IPO7: variants seen among roughly 807,000 people sequenced by gnomAD.
IPO7 encodes importin-7.
Under a neutral mutation model 136.4 loss-of-function variants are expected in IPO7, and 13 were observed. That is an observed-to-expected ratio of 0.10 (90% CI 0.06 to 0.15). The LOEUF (loss-of-function observed/expected upper bound fraction) is 0.15, where lower values mean the gene tolerates loss of function less well. IPO7 is among the 10% of genes least tolerant of loss of function. IPO7 has a pLI of 1.00. For synonymous variants in IPO7, 403 were observed against 404.4 expected, an observed-to-expected ratio of 1.00 and a Z score of 0.04; for missense variants, 857 against 1,240.6, an observed-to-expected ratio of 0.69 and a Z score of 4.65.
chr11:9,439,609 C>T (rs779031216), intron 22 of IPO7, among the ~76,000 whole-genome samples: 22 of 151,564 alleles, frequency 1.5e-4, no homozygotes, highest in Non-Finnish European at 3.1e-4. Flanking sequence ...GACGGAATCT[C>T]GTTCTGTCGC....
At chr11:9,441,771 C>T (rs1370057948) in intron 23 of IPO7, among the ~76,000 whole-genome samples, 1 of 152,152 alleles carries the variant, frequency 6.6e-6, no homozygotes, top group African/African-American at 2.4e-5. Flanking sequence ...GTTGGGTTAG[C>T]TTTATTCCTG....
At chr11:9,405,482 G>T (rs1466803619) in intron 2 of IPO7, among the ~76,000 whole-genome samples, 1 of 151,444 alleles carries the variant, frequency 6.6e-6, no homozygotes, top group African/African-American at 2.4e-5. Context: ...GCCCTCAGTA[G>T]CCTCATCTTG....
chr11:9,426,034 CAG>C (rs1177200094), intron 12 of IPO7, among the ~76,000 whole-genome samples: 1 of 151,888 alleles, frequency 6.6e-6, no homozygotes, highest in Non-Finnish European at 1.5e-5. Context: ...GTCCAGGCGA[CAG>C]AGACTCCGTC....
rs550376719 is a variant in IPO7 at position 9,389,109 on chromosome 11, G to A, written c.84+4262G>A. Among the ~76,000 whole-genome samples, 6 of 151,672 alleles carry A rather than the reference G, an allele frequency of 4.0e-5. No homozygotes were observed. The East Asian group carries it at 7.8e-4, about 20-fold the overall frequency. On this transcript the variant is annotated intron_variant, in intron 1 of 24. Coordinates refer to ENST00000379719, the MANE Select transcript of IPO7 (RefSeq NM_006391.3). ...CACTCGGTTGCCCAGGCTAGAGTGC[G>A]GTGGCATGATCTTGGCTCACTGTAG...
In IPO7 at chr11:9,384,660, G is replaced by T; in HGVS notation, c.-104G>T. On this transcript the variant is annotated 5_prime_UTR_variant, in exon 1 of 25. Transcript: ENST00000379719. ...CCTTGGCGCTTCTCTTTCCTTTCGCGCCGGTTGCCGCTGCGGAGCGCGGCG... is the reference window on the plus strand; with the variant it reads ...CCTTGGCGCTTCTCTTTCCTTTCGCTCCGGTTGCCGCTGCGGAGCGCGGCG... 2 of 949,546 alleles carry T rather than the reference G, an allele frequency of 2.1e-6. No homozygotes were observed. Among genetic ancestry groups the T allele is most frequent in the Non-Finnish European group, 3.1e-6 (2 of 637,558 alleles). The allele number at this position is 949,546 out of a possible 1,614,324, so 58.8% of individuals were successfully genotyped here.
chr11:9,436,838 GATTTTATATATATATATATATATATATAT>G (rs1438258942), intron 20 of IPO7, among the ~76,000 whole-genome samples: 15 of 44,324 alleles, frequency 3.4e-4, no homozygotes, highest in African/African-American at 1.3e-3. Flanking sequence ...ACAACCGCCT[GATTTTATATATATATATATATATATATAT>G]ATTTTTTTTT....
intron 5 of IPO7, 69 bp from the exon 6 acceptor site, chr11:9,416,990 G>C: frequency 1.4e-6 from 1 of 733,324 alleles, no homozygotes; most frequent in Non-Finnish European, 2.4e-6. Flanking sequence ...TAGGTATTGT[G>C]AAGAGTAAAA....
intron 16 of IPO7, among the ~76,000 whole-genome samples, chr11:9,431,389 T>G (rs1285455531): frequency 6.6e-6 from 1 of 152,066 alleles, no homozygotes; most frequent in African/African-American, 2.4e-5. Flanking sequence ...CACATTGTTA[T>G]GCAACCATCA....
intron 1 of IPO7, among the ~76,000 whole-genome samples, chr11:9,396,616 A>T (rs968393715): frequency 1.3e-5 from 2 of 151,718 alleles, no homozygotes; most frequent in African/African-American, 4.8e-5. Context: ...CAACAATCCT[A>T]TTTTCTGTCT....
chr11:9,440,002 T>C (rs564668480), intron 22 of IPO7, among the ~76,000 whole-genome samples: 1 of 152,358 alleles, frequency 6.6e-6, no homozygotes, highest in East Asian at 1.9e-4. Flanking sequence ...ACTATAACAT[T>C]ATGTTAATTA....
At chr11:9,422,140 G>T (rs953553200) in intron 8 of IPO7, among the ~76,000 whole-genome samples, 2 of 152,124 alleles carry the variant, frequency 1.3e-5, no homozygotes, top group African/African-American at 4.8e-5. Context: ...TCAGCCAGGT[G>T]TGGTGGTGCA....
At chr11:9,404,352 C>G (rs1854845272) in intron 2 of IPO7, among the ~76,000 whole-genome samples, 1 of 151,462 alleles carries the variant, frequency 6.6e-6, no homozygotes, top group African/African-American at 2.4e-5. Context: ...GTAGTCCCAG[C>G]TACTCGGGAG....
In IPO7 at chr11:9,421,890, G is replaced by A. The variant is rs956682282; in HGVS notation, c.907-1116G>A. On this transcript the variant is annotated intron_variant, in intron 8 of 24. Coordinates refer to ENST00000379719, the MANE Select transcript of IPO7 (RefSeq NM_006391.3). ...ACCTGGGGGGTGCAGCTTGCGGTGC[G>A]CAGAGATCCTGCCACTGCATTCCAG... Among the ~76,000 whole-genome samples the A allele has an allele frequency of 4.6e-5, 7 of 152,052 alleles. No individual in the cohort carries two copies. The East Asian group carries it at 5.8e-4, about 13-fold the overall frequency.
In IPO7 at chr11:9,421,624, T is replaced by C. The variant is rs146233042; in HGVS notation, c.906+926T>C. Among the ~76,000 whole-genome samples, 569 of 147,344 alleles carry C rather than the reference T, an allele frequency of 3.9e-3. 18 individuals are homozygous for C. In the East Asian group the frequency reaches 0.085, roughly 22 times the overall value. On this transcript the variant is annotated intron_variant, in intron 8 of 24. Coordinates refer to ENST00000379719, the MANE Select transcript of IPO7 (RefSeq NM_006391.3). ...GCCTGGGTTACAGAGCAAGACTCCA[T>C]CTCAAAAAAAAAAAATTCTTAAGAA...
At chr11:9,441,033 A>G (rs1017768241) in intron 23 of IPO7, among the ~76,000 whole-genome samples, 2 of 152,128 alleles carry the variant, frequency 1.3e-5, no homozygotes, top group Admixed American at 6.6e-5. Context: ...TCCTGCCCAA[A>G]CCTATACTTA....
At chr11:9,444,216 T>G (rs1439717169) in intron 24 of IPO7, among the ~76,000 whole-genome samples, 1 of 151,072 alleles carries the variant, frequency 6.6e-6, no homozygotes, top group East Asian at 2.0e-4. Context: ...AGGCAGAGGT[T>G]GCAGTGAGCC....
rs1156482758 is a variant in IPO7 at position 9,431,501 on chromosome 11, C to T, written c.1881+498C>T. Among the ~76,000 whole-genome samples, 13 of 150,252 alleles carry T rather than the reference C, an allele frequency of 8.7e-5. No homozygotes were observed. The East Asian group carries it at 2.3e-3, about 27-fold the overall frequency. Reference sequence around the variant, plus strand: ...TTTGAGATGGAGTCTCACTCTGTCACCCAAGCTGGATTGCAATGGTCACTG... The same window carrying T: ...TTTGAGATGGAGTCTCACTCTGTCATCCAAGCTGGATTGCAATGGTCACTG... On this transcript the variant is annotated intron_variant, in intron 16 of 24. Coordinates refer to ENST00000379719, the MANE Select transcript of IPO7 (RefSeq NM_006391.3).
intron 22 of IPO7, among the ~76,000 whole-genome samples, chr11:9,439,702 A>G (rs1855434008): frequency 6.6e-6 from 1 of 151,516 alleles, no homozygotes; most frequent in South Asian, 2.1e-4. Context: ...CAGCCTCCCA[A>G]GTAGCTGGGA....
intron 20 of IPO7, among the ~76,000 whole-genome samples, chr11:9,436,924 C>T (rs1381786687): frequency 3.4e-5 from 4 of 117,076 alleles, no homozygotes; most frequent in Admixed American, 1.1e-4. Flanking sequence ...CTCGCCCTGT[C>T]GCCTAGGCTG....
Sources: gnomAD v4.1 joint callset for allele counts (sites outside exome capture counted in the v4.1 genomes callset) on GRCh38, gnomAD v4.1.1 for gene constraint, MANE v1.5 for transcripts, NCBI Gene and HGNC (gene_info 2026-07-23, HGNC 2026-07-21) for gene names.